TOPAZ1: variants seen among roughly 807,000 people sequenced by gnomAD.
TOPAZ1 encodes testis and ovary specific TOPAZ 1.
Under a neutral mutation model 172.2 loss-of-function variants are expected in TOPAZ1, and 66 were observed. The ratio of observed to expected loss-of-function variants is 0.38; its 90% CI spans 0.31 to 0.47. TOPAZ1 has a LOEUF of 0.47. Ranked by LOEUF, TOPAZ1 falls within the 20% of genes least tolerant of loss-of-function variation. TOPAZ1 has a pLI of 0.99. For synonymous variants in TOPAZ1, 681 were observed against 683.9 expected (o/e 1.00, Z 0.07); for missense variants, 1,822 against 1,972.4 (o/e 0.92, Z 1.44).
intron 16 of TOPAZ1, among the ~76,000 whole-genome samples, chr3:44,320,447 A>G (rs1344304665): frequency 6.6e-6 from 1 of 152,090 alleles, no homozygotes; most frequent in African/African-American, 2.4e-5. Context: ...CATACAAAAA[A>G]TTTAGCCAGG....
intron 8 of TOPAZ1, among the ~76,000 whole-genome samples, chr3:44,276,356 G>A (rs1699957405): frequency 6.6e-6 from 1 of 152,062 alleles, no homozygotes; most frequent in African/African-American, 2.4e-5. Context: ...TGTGTATGGT[G>A]AGAGATAGGG....
intron 4 of TOPAZ1, among the ~76,000 whole-genome samples, chr3:44,260,931 G>T (rs1699768196): frequency 6.6e-6 from 1 of 152,002 alleles, no homozygotes; most frequent in African/African-American, 2.4e-5. Flanking sequence ...TAAATTTCAA[G>T]TGCCATATTT....
intron 12 of TOPAZ1, among the ~76,000 whole-genome samples, chr3:44,293,426 G>T (rs1445272674): frequency 1.3e-5 from 2 of 152,194 alleles, no homozygotes; most frequent in South Asian, 2.1e-4. Flanking sequence ...CTTCCAGGGA[G>T]ACAAGATGTG....
At chr3:44,323,590 A>AT (rs1318095547) in intron 18 of TOPAZ1, among the ~76,000 whole-genome samples, 7 of 152,324 alleles carry the variant, frequency 4.6e-5, no homozygotes, top group African/African-American at 1.7e-4. Flanking sequence ...CCAGTTTGGC[A>AT]TATCTTATAA....
At chr3:44,282,743 C>T (rs1328128588) in intron 9 of TOPAZ1, among the ~76,000 whole-genome samples, 1 of 152,012 alleles carries the variant, frequency 6.6e-6, no homozygotes, top group Non-Finnish European at 1.5e-5. Context: ...AGAGCACTTT[C>T]ACTTCATATA....
At chr3:44,304,499 G>C (rs1466688026) in intron 13 of TOPAZ1, among the ~76,000 whole-genome samples, 1 of 152,166 alleles carries the variant, frequency 6.6e-6, no homozygotes, top group Non-Finnish European at 1.5e-5. Flanking sequence ...TATAAGAAAT[G>C]AGGACCTTCA....
In TOPAZ1 at chr3:44,254,975, C is replaced by T; in HGVS notation, c.2773C>T (p.Pro925Ser). 1 of 1,550,682 alleles carries T rather than the reference C, an allele frequency of 6.4e-7. No homozygotes were observed. Among genetic ancestry groups the T allele is most frequent in the Non-Finnish European group, 8.7e-7 (1 of 1,146,176 alleles). Residue 925 changes from proline to serine, a missense_variant, in exon 3 of 20, where the codon CCT (proline) becomes TCT (serine). By Grantham distance (74) the Pro-to-Ser change is moderately conservative. Around this residue, in one of 2 missense-constraint regions of TOPAZ1, gnomAD observed 1,489 missense variants for 1,490.8 expected, o/e 1.00. Transcript: ENST00000309765. The part of the protein sequence containing the change: ...KEPSDDLREL[P>S]VLDCGWIKPD... ...CTGTTTGCTTTATAATAGAGAACTTCCTGTACTGGACTGTGGATGGATAAA... is the reference window on the plus strand; with the variant it reads ...CTGTTTGCTTTATAATAGAGAACTTTCTGTACTGGACTGTGGATGGATAAA...
intron 8 of TOPAZ1, among the ~76,000 whole-genome samples, chr3:44,273,563 T>G (rs1167769776): frequency 6.6e-6 from 1 of 152,224 alleles, no homozygotes; most frequent in East Asian, 1.9e-4. Flanking sequence ...AGTTTGGCAT[T>G]CATCAACTTA....
downstream of TOPAZ1, among the ~76,000 whole-genome samples, chr3:44,335,852 G>T (rs1329981486): frequency 6.6e-6 from 1 of 152,082 alleles, no homozygotes; most frequent in Non-Finnish European, 1.5e-5. Flanking sequence ...TCATATAAAG[G>T]TTTTGCTATT....
At chr3:44,308,569 AT>A (rs1480420649) in intron 15 of TOPAZ1, among the ~76,000 whole-genome samples, 2 of 152,024 alleles carry the variant, frequency 1.3e-5, no homozygotes, top group Non-Finnish European at 2.9e-5. Flanking sequence ...GCTATTGTGA[AT>A]AGTGCCGCAA....
At chr3:44,322,935 A>G (rs1206662065) in intron 17 of TOPAZ1, among the ~76,000 whole-genome samples, 157 bp from the exon 18 acceptor site, 2 of 152,198 alleles carry the variant, frequency 1.3e-5, no homozygotes, top group Non-Finnish European at 2.9e-5. Context: ...GAGAAGAAAA[A>G]TAAAGAGAAT....
At chr3:44,249,268 T>C (rs1699602153) in intron 2 of TOPAZ1, among the ~76,000 whole-genome samples, 2 of 152,140 alleles carry the variant, frequency 1.3e-5, no homozygotes, top group South Asian at 4.2e-4. Context: ...GGGACTAATG[T>C]GTTTTAAACA....
intron 16 of TOPAZ1, among the ~76,000 whole-genome samples, chr3:44,318,802 A>C (rs890469787): frequency 6.8e-6 from 1 of 147,626 alleles, no homozygotes; most frequent in Non-Finnish European, 1.5e-5. Flanking sequence ...TAATATGTAT[A>C]TTTTATTTAT....
chr3:44,260,336 A>G (rs1156607761), intron 4 of TOPAZ1, among the ~76,000 whole-genome samples: 1 of 152,178 alleles, frequency 6.6e-6, no homozygotes, highest in Admixed American at 6.5e-5. Context: ...ATATGTGGCT[A>G]TACCTTTTCC....
chr3:44,248,034 C>G (rs1699586093), intron 2 of TOPAZ1, among the ~76,000 whole-genome samples: 1 of 152,162 alleles, frequency 6.6e-6, no homozygotes, highest in African/African-American at 2.4e-5. Context: ...TTACTGTGTT[C>G]CCTAAAATCT....
chr3:44,327,869 C>T (rs1451776334), intron 18 of TOPAZ1, among the ~76,000 whole-genome samples: 4 of 152,142 alleles, frequency 2.6e-5, no homozygotes, highest in Middle Eastern at 3.4e-3. Flanking sequence ...CTCAGCCTCC[C>T]GAGTTGCTGG....
chr3:44,242,399 A>G lies in TOPAZ1; in HGVS notation c.346A>G (p.Thr116Ala), dbSNP rs533393196. The G allele has an allele frequency of 1.7e-4, 262 of 1,552,310 alleles. No individual in the cohort carries two copies. The highest frequency in any genetic ancestry group is 9.8e-4 in the African/African-American group (72 of 73,166). The change falls in exon 1 of 20, where the codon ACC becomes GCC. Residue 116 changes from threonine (T) to alanine (A), a missense_variant and splice_region_variant. Thr to Ala is a moderately conservative substitution (Grantham distance 58). Transcript: ENST00000309765. ...AELPLQTERH[T>A]KEKRKVTEAS... The stretch of plus-strand genomic sequence containing the variant: ...ACTCCCCTTGCAAACGGAAAGACAC[A>G]GTAAGAAAGCATCCACGATCACTTA...
At chr3:44,255,746 A>G (rs1699695919) in intron 3 of TOPAZ1, among the ~76,000 whole-genome samples, 1 of 150,786 alleles carries the variant, frequency 6.6e-6, no homozygotes, top group Admixed American at 6.6e-5. Flanking sequence ...ACAGCTAGTC[A>G]AAAGTTTAAA....
At chr3:44,325,619 T>C (rs921603920) in intron 18 of TOPAZ1, among the ~76,000 whole-genome samples, 9 of 152,064 alleles carry the variant, frequency 5.9e-5, no homozygotes, top group African/African-American at 2.2e-4. Flanking sequence ...TGGAATCATT[T>C]AATACATGTG....
Sources: allele counts gnomAD v4.1 joint callset (sites outside exome capture counted in the v4.1 genomes callset), GRCh38; gene constraint gnomAD v4.1.1; regional missense constraint gnomAD v4.1.1; transcripts MANE v1.5; gene names NCBI Gene and HGNC (gene_info 2026-07-23, HGNC 2026-07-21).